Variants in CDH1 observed in about 807,000 individuals in gnomAD.
CDH1 encodes the protein cadherin-1.
CDH1 carries 35 observed loss-of-function variants against 84.5 expected under a neutral mutation model. That is an observed-to-expected ratio of 0.41 (90% CI 0.32 to 0.55). CDH1 has a LOEUF of 0.55. CDH1 is among the 20% of genes least tolerant of loss of function. The probability of loss-of-function intolerance (pLI) is 0.19; values close to 1 mark genes in which losing one functional copy is unlikely to be tolerated. For synonymous variants in CDH1, 417 were observed against 439.0 expected (o/e 0.95, Z 0.63); for missense variants, 994 against 1,126.6 (o/e 0.88, Z 1.68).
At chr16:68,820,225 AT>A (rs1300926740) in intron 11 of CDH1, among the ~76,000 whole-genome samples, 1 of 152,042 alleles carries the variant, frequency 6.6e-6, no homozygotes, top group Non-Finnish European at 1.5e-5. Context: ...TTTTCAAGTA[AT>A]TTTGGTCAAA....
intron 3 of CDH1, 35 bp from the exon 4 acceptor site, chr16:68,808,389 T>G: frequency 6.2e-7 from 1 of 1,613,506 alleles, no homozygotes; most frequent in Non-Finnish European, 8.5e-7. Flanking sequence ...CGTCTTGAAT[T>G]GTCTTATCTT....
chr16:68,828,306 T>G lies in CDH1; in HGVS notation c.2295+2T>G. 6.2e-7 allele frequency: 1 copy of G among 1,614,076 alleles called. No individual in the cohort carries two copies. Among genetic ancestry groups the G allele is most frequent in the Non-Finnish European group, 8.5e-7 (1 of 1,179,958 alleles). On this transcript the variant is annotated splice_donor_variant, in intron 14 of 15. Coordinates refer to ENST00000261769, the MANE Select transcript of CDH1 (RefSeq NM_004360.5). LOFTEE classifies it high-confidence loss of function. ...GAAGGAGGCGGAGAAGAGGACCAGG[T>G]GGGTTTTGAAAACCTTGGTAGCTCA...
intron 2 of CDH1, among the ~76,000 whole-genome samples, chr16:68,784,021 C>T (rs916352565): frequency 1.3e-5 from 2 of 151,988 alleles, no homozygotes; most frequent in African/African-American, 2.4e-5. Flanking sequence ...GAGTGGATGC[C>T]CATCATTGAT....
chr16:68,828,217 G>A lies in CDH1; in HGVS notation c.2208G>A (p.Val736=), dbSNP rs745899007. ...TGCTGTTTCTTCGGAGGAGAGCGGT[G>A]GTCAAAGAGCCCTTACTGCCCCCAG... is the stretch of plus-strand genomic sequence containing the variant. ...LLLLFLRRRA[V]VKEPLLPPED... Residue 736 remains valine (V), a synonymous_variant, in exon 14 of 16, where the codon GTG becomes GTA. Transcript: ENST00000261769. 6 of 1,613,984 alleles carry A rather than the reference G, an allele frequency of 3.7e-6. No individual in the cohort carries two copies. The highest frequency in any genetic ancestry group is 5.1e-6 in the Non-Finnish European group (6 of 1,179,954).
chr16:68,737,530 C>CCAG, intron 1 of CDH1, 67 bp downstream of exon 1: 102 of 1,348,366 alleles, frequency 7.6e-5, no homozygotes, highest in Non-Finnish European at 9.8e-5. Context: ...CAGCCCTGCG[C>CCAG]CCCTTCCTCT....
At chr16:68,788,219 C>G (rs1191804521) in intron 2 of CDH1, among the ~76,000 whole-genome samples, 2 of 152,146 alleles carry the variant, frequency 1.3e-5, no homozygotes, top group Non-Finnish European at 2.9e-5. Flanking sequence ...CATTTTTGAA[C>G]CATAGGACTT....
At chr16:68,744,412 C>T (rs564582265) in intron 2 of CDH1, among the ~76,000 whole-genome samples, 2 of 152,278 alleles carry the variant, frequency 1.3e-5, no homozygotes, top group South Asian at 2.1e-4. Flanking sequence ...CTCACTCTTT[C>T]TCTCTCTATC....
intron 2 of CDH1, among the ~76,000 whole-genome samples, chr16:68,787,619 C>T (rs182692915): frequency 2.6e-5 from 4 of 151,808 alleles, no homozygotes; most frequent in Admixed American, 6.6e-5. Flanking sequence ...GCTGGGATTA[C>T]AGGTGTGAAC....
At chr16:68,737,760 G>A (rs570014271) in intron 1 of CDH1, among the ~76,000 whole-genome samples, 18 of 152,244 alleles carry the variant, frequency 1.2e-4, no homozygotes, top group African/African-American at 3.9e-4. Flanking sequence ...GGCGTGAAGC[G>A]GGGTGTAGGG....
At chr16:68,750,608 C>A (rs1387658637) in intron 2 of CDH1, among the ~76,000 whole-genome samples, 2 of 151,842 alleles carry the variant, frequency 1.3e-5, no homozygotes, top group African/African-American at 4.8e-5. Context: ...AAGCCAAAAG[C>A]CTTTCAAATT....
intron 11 of CDH1, among the ~76,000 whole-genome samples, chr16:68,821,118 A>G (rs1961131130): frequency 6.6e-6 from 1 of 152,096 alleles, no homozygotes; most frequent in African/African-American, 2.4e-5. Context: ...TTCCCTGGGT[A>G]CCAATTTTTC....
chr16:68,809,017 G>A, intron 5 of CDH1, 169 bp downstream of exon 5: 1 of 662,998 alleles, frequency 1.5e-6, no homozygotes. Flanking sequence ...GGGACAGTTT[G>A]GGGTTGTTAA....
chr16:68,833,786 ACT>A lies in CDH1; in HGVS notation c.*288_*289del, dbSNP rs1961561877. ...CAAATTTTAATATTCCAGAAGAACAACTTTAGCATCAGAAGGTTCACCCAGCA... is the reference window on the plus strand; with the variant it reads ...CAAATTTTAATATTCCAGAAGAACAATTAGCATCAGAAGGTTCACCCAGCA... On this transcript the variant is annotated 3_prime_UTR_variant, in exon 16 of 16. Transcript: ENST00000261769. The A allele has an allele frequency of 2.2e-6, 1 of 464,462 alleles. No homozygotes were observed. The highest frequency in any genetic ancestry group is 3.9e-6 in the Non-Finnish European group (1 of 254,060). 28.8% of individuals were successfully genotyped at this position (464,462 alleles called of 1,614,324 possible). A position where few individuals can be genotyped will look rare whatever the true frequency, so the allele number is the denominator to read the frequency against.
At chr16:68,806,862 C>T (rs553420873) in intron 3 of CDH1, among the ~76,000 whole-genome samples, 15 of 152,216 alleles carry the variant, frequency 9.9e-5, no homozygotes, top group African/African-American at 2.9e-4. Context: ...TAGGTGTGTG[C>T]GCATGTGTGC....
chr16:68,823,988 A>ATTTTTT (rs1961248246), intron 13 of CDH1, among the ~76,000 whole-genome samples: 8 of 104,536 alleles, frequency 7.7e-5, no homozygotes, highest in African/African-American at 1.8e-4. Flanking sequence ...CAGATTCTGC[A>ATTTTTT]TTTCTTTTTT....
chr16:68,823,653 C>G (rs1239361417), intron 13 of CDH1, 27 bp downstream of exon 13: 2 of 1,475,616 alleles, frequency 1.4e-6, no homozygotes, highest in African/African-American at 2.8e-5. Context: ...AGTGACTCAG[C>G]CTTTGACTTA....
intron 2 of CDH1, among the ~76,000 whole-genome samples, chr16:68,758,213 T>TC (rs1963071144): frequency 1.7e-5 from 2 of 119,774 alleles, no homozygotes; most frequent in African/African-American, 6.5e-5. Flanking sequence ...ATTTCTTTTT[T>TC]TTTTTTTTTT....
intron 2 of CDH1, among the ~76,000 whole-genome samples, chr16:68,779,746 A>C (rs1264329158): frequency 6.6e-6 from 1 of 152,152 alleles, no homozygotes; most frequent in East Asian, 1.9e-4. Flanking sequence ...AGTCCCAGCT[A>C]CTCGGGAGGC....
chr16:68,826,705 A>G (rs1961331429), intron 13 of CDH1, among the ~76,000 whole-genome samples: 1 of 152,162 alleles, frequency 6.6e-6, no homozygotes. Flanking sequence ...GCCTGCGGAT[A>G]CTGGGCTTCT....
Sources: allele counts gnomAD v4.1 joint callset (sites outside exome capture counted in the v4.1 genomes callset), GRCh38; gene constraint gnomAD v4.1.1; transcripts MANE v1.5; gene names NCBI Gene and HGNC (gene_info 2026-07-23, HGNC 2026-07-21).